Variants in CSMD1 observed in about 807,000 individuals in gnomAD.
CSMD1 encodes the protein CUB and Sushi multiple domains 1, also known as CUB and sushi domain-containing protein 1.
Under a neutral mutation model 417.5 loss-of-function variants are expected in CSMD1, and 213 were observed. The observed-to-expected ratio is 0.51, with a 90% CI of 0.46 to 0.57. The LOEUF is 0.57. Among genes scored for constraint, CSMD1 ranks in the 20% least tolerant of loss-of-function variants. The probability of loss-of-function intolerance (pLI) is 0.00; values close to 1 mark genes in which losing one functional copy is unlikely to be tolerated. For missense variants in CSMD1, 6,923 were observed against 4,529.7 expected (o/e 1.53, Z -15.17); for synonymous variants, 2,862 against 1,736.8 (o/e 1.65, Z -16.11).
intron 1 of CSMD1, among the ~76,000 whole-genome samples, chr8:4,908,755 TAG>T (rs59304289): frequency 0.066 from 10,060 of 152,204 alleles, 421 homozygotes; most frequent in African/African-American, 0.077. Flanking sequence ...TTTTGATGCT[TAG>T]AGTTTTCATG....
intron 42 of CSMD1, among the ~76,000 whole-genome samples, chr8:3,117,969 T>C (rs138644714): frequency 6.6e-6 from 1 of 152,330 alleles, no homozygotes; most frequent in East Asian, 1.9e-4. Flanking sequence ...AAAATCAATA[T>C]GAAATTATTA....
At chr8:4,182,973 G>C (rs183645896) in intron 3 of CSMD1, among the ~76,000 whole-genome samples, 11 of 152,180 alleles carry the variant, frequency 7.2e-5, no homozygotes, top group Admixed American at 2.6e-4. Context: ...AAGAGGCAAG[G>C]AAAGGAAGGA....
chr8:4,399,416 G>A (rs1184129367), intron 3 of CSMD1, among the ~76,000 whole-genome samples: 1 of 152,170 alleles, frequency 6.6e-6, no homozygotes, highest in African/African-American at 2.4e-5. Flanking sequence ...AGAGGTTAAC[G>A]TCATATGTGA....
intron 3 of CSMD1, among the ~76,000 whole-genome samples, chr8:4,208,276 C>G (rs902728733): frequency 1.3e-5 from 2 of 151,686 alleles, no homozygotes; most frequent in Non-Finnish European, 2.9e-5. Context: ...ACACAGAGGA[C>G]AAGAAACAAG....
intron 49 of CSMD1, among the ~76,000 whole-genome samples, chr8:3,058,274 T>C (rs1219174311): frequency 6.6e-6 from 1 of 152,226 alleles, no homozygotes; most frequent in Non-Finnish European, 1.5e-5. Flanking sequence ...TGCATTGTCT[T>C]CTTAAAATTA....
chr8:3,187,145 G>A (rs1256379350), intron 36 of CSMD1, among the ~76,000 whole-genome samples: 1 of 152,198 alleles, frequency 6.6e-6, no homozygotes, highest in Non-Finnish European at 1.5e-5. Context: ...TGATGACCAG[G>A]GAGATAATCG....
chr8:3,775,480 G>A (rs541823150), intron 5 of CSMD1, among the ~76,000 whole-genome samples: 2 of 152,276 alleles, frequency 1.3e-5, no homozygotes, highest in African/African-American at 2.4e-5. Context: ...TCATGAAAAG[G>A]ACACGGGGTG....
intron 6 of CSMD1, among the ~76,000 whole-genome samples, chr8:3,750,286 T>A (rs1444858442): frequency 6.6e-6 from 1 of 151,068 alleles, no homozygotes; most frequent in East Asian, 1.9e-4. Context: ...TAAAAATGTA[T>A]GTTCTTTTTA....
intron 5 of CSMD1, among the ~76,000 whole-genome samples, chr8:3,840,190 A>G (rs1340134789): frequency 6.6e-6 from 1 of 152,178 alleles, no homozygotes; most frequent in East Asian, 1.9e-4. Flanking sequence ...GGGCCTTCAT[A>G]AAGTAACTAA....
chr8:3,906,360 C>T (rs556531889), intron 5 of CSMD1, among the ~76,000 whole-genome samples: 3 of 152,122 alleles, frequency 2.0e-5, no homozygotes, highest in African/African-American at 7.2e-5. Context: ...ACCTGAGTCA[C>T]CTATAGTATG....
At position 3,632,064 on chromosome 8, in the gene CSMD1, T is replaced by C. The variant is rs143044624; in HGVS notation, c.1010-15267A>G. On this transcript the variant is annotated intron_variant, in intron 7 of 69. Coordinates refer to ENST00000635120, the MANE Select transcript of CSMD1 (RefSeq NM_033225.6). ...TATTTACATAAGAAAGTAATTGTTT[T>C]TTTCTCTTCAGATTTTGTTATTGTT... Among the ~76,000 whole-genome samples the C allele has an allele frequency of 2.4e-3, 363 of 152,358 alleles. 1 individual carries two copies. The highest frequency in any genetic ancestry group is 8.2e-3 in the African/African-American group (341 of 41,584).
chr8:3,486,336 A>G (rs1312001872), intron 11 of CSMD1, among the ~76,000 whole-genome samples: 1 of 152,172 alleles, frequency 6.6e-6, no homozygotes, highest in Admixed American at 6.5e-5. Flanking sequence ...CAAGAGAGGG[A>G]GTCAGGGATG....
At chr8:4,944,965 C>T (rs13273154) in intron 1 of CSMD1, among the ~76,000 whole-genome samples, 38,967 of 152,112 alleles carry the variant, frequency 0.26, 6,112 homozygotes, top group East Asian at 0.39. Context: ...ACGTGTGTAT[C>T]AGAGCTATTC....
rs561954988 is a variant in CSMD1 at position 4,030,209 on chromosome 8, G to A, written c.610+1696C>T. ...TTCTTCTCACAGCTCAACTAGGGCG[G>A]TGCCCCAGTAGGGACTCTGTGGGGG... On this transcript the variant is annotated intron_variant, in intron 4 of 69. Transcript: ENST00000635120. Among the ~76,000 whole-genome samples, 77 of 151,958 alleles carry A rather than the reference G, an allele frequency of 5.1e-4. 2 individuals carry two copies. The South Asian group carries it at 0.015, about 30-fold the overall frequency.
At chr8:3,731,238 C>T (rs114604069) in intron 6 of CSMD1, among the ~76,000 whole-genome samples, 1 of 152,174 alleles carries the variant, frequency 6.6e-6, no homozygotes, top group South Asian at 2.1e-4. Flanking sequence ...CTTCCCCCAG[C>T]AAACAATGAC....
intron 3 of CSMD1, among the ~76,000 whole-genome samples, chr8:4,416,044 C>G (rs1243656021): frequency 6.6e-6 from 1 of 152,040 alleles, no homozygotes; most frequent in African/African-American, 2.4e-5. Flanking sequence ...AGACAATTTC[C>G]GTGAAGATTT....
At chr8:4,974,310 G>A (rs1036343765) in intron 1 of CSMD1, among the ~76,000 whole-genome samples, 1 of 152,058 alleles carries the variant, frequency 6.6e-6, no homozygotes, top group East Asian at 1.9e-4. Flanking sequence ...ACAGGCGCAA[G>A]ATTTTATTTT....
At chr8:4,040,874 T>C (rs1797850790) in intron 3 of CSMD1, among the ~76,000 whole-genome samples, 1 of 152,162 alleles carries the variant, frequency 6.6e-6, no homozygotes, top group South Asian at 2.1e-4. Flanking sequence ...TGCAAGATAA[T>C]GTTCACTATG....
intron 49 of CSMD1, among the ~76,000 whole-genome samples, chr8:3,063,731 G>C (rs1467021009): frequency 6.6e-6 from 1 of 152,146 alleles, no homozygotes; most frequent in African/African-American, 2.4e-5. Flanking sequence ...GCCATAAAAA[G>C]ACAAATACTA....
Sources: gnomAD v4.1 joint callset for allele counts (sites outside exome capture counted in the v4.1 genomes callset) on GRCh38, gnomAD v4.1.1 for gene constraint, MANE v1.5 for transcripts, NCBI Gene and HGNC (gene_info 2026-07-23, HGNC 2026-07-21) for gene names.